NUP42: variants seen among roughly 807,000 people sequenced by gnomAD.
The protein encoded by NUP42 is nucleoporin NUP42.
NUP42 carries 47 observed loss-of-function variants against 35.9 expected under a neutral mutation model. That is an observed-to-expected ratio of 1.31 (90% confidence interval 1.04 to 1.67). The LOEUF (loss-of-function observed/expected upper bound fraction) is 1.67. Among genes scored for constraint, NUP42 ranks in the 40% most tolerant of loss-of-function variants. The pLI, the probability that NUP42 is intolerant of heterozygous loss-of-function variation, is 0.00. For missense variants in NUP42, 514 were observed against 492.2 expected, an observed-to-expected ratio of 1.04 and a Z score of -0.42; for synonymous variants, 173 against 173.3, an observed-to-expected ratio of 1.00 and a Z score of 0.01.
At chr7:23,182,467 T>C in intron 1 of NUP42, 1 of 1,292,388 alleles carries the variant, frequency 7.7e-7, no homozygotes, top group East Asian at 3.0e-5. Flanking sequence ...AAATCGGAAG[T>C]ACCTATCGAA....
intron 5 of NUP42, 120 bp downstream of exon 5, chr7:23,196,886 C>A: frequency 4.4e-6 from 3 of 684,232 alleles, no homozygotes; most frequent in Non-Finnish European, 7.6e-6. Flanking sequence ...ATGATACACA[C>A]ATTCCCAAAA....
intron 6 of NUP42, among the ~76,000 whole-genome samples, chr7:23,199,921 G>A (rs1786150807): frequency 6.6e-6 from 1 of 152,150 alleles, no homozygotes; most frequent in Admixed American, 6.5e-5. Flanking sequence ...TAGTCCCTGT[G>A]GTTTCTCCTT....
intron 5 of NUP42, among the ~76,000 whole-genome samples, chr7:23,197,943 A>T (rs544004679): frequency 2.0e-5 from 3 of 151,870 alleles, no homozygotes; most frequent in Non-Finnish European, 4.4e-5. Context: ...GTTGCCAGGG[A>T]CCAGGAGCAA....
chr7:23,187,342 C>T (rs1471486985), intron 3 of NUP42, 196 bp downstream of exon 3: 1 of 445,670 alleles, frequency 2.2e-6, no homozygotes, highest in East Asian at 3.7e-5. Flanking sequence ...TCTTTTAAGA[C>T]ATATAGTTCT....
At chr7:23,188,838 C>T (rs1785692444) in intron 3 of NUP42, among the ~76,000 whole-genome samples, 1 of 152,136 alleles carries the variant, frequency 6.6e-6, no homozygotes, top group Non-Finnish European at 1.5e-5. Context: ...ACTGTTGGTG[C>T]AGCAGCATTG....
In NUP42 at chr7:23,191,269, G is replaced by A. The variant is rs113669817; in HGVS notation, c.445+4123G>A. 2.3e-3 allele frequency among the ~76,000 whole-genome samples: 351 copies of A among 152,312 alleles called. 1 individual carries two copies. Among genetic ancestry groups the A allele is most frequent in the African/African-American group, 8.0e-3 (334 of 41,572 alleles). ...TTTAAGCAAAAGAGGGACGTGATCT[G>A]ATTAGAAAAAGCTAACTCAGCATGC... On this transcript the variant is annotated intron_variant, in intron 3 of 6. Coordinates refer to ENST00000258742, the MANE Select transcript of NUP42 (RefSeq NM_007342.3).
intron 1 of NUP42, among the ~76,000 whole-genome samples, chr7:23,182,804 C>G (rs1263481536): frequency 6.8e-6 from 1 of 146,690 alleles, no homozygotes; most frequent in Non-Finnish European, 1.5e-5. Context: ...ATCCCAGCTA[C>G]TCATGAGGCT....
rs1233480655 is a variant in NUP42 at position 23,200,233 on chromosome 7, T to C, written c.760T>C (p.Phe254Leu). The C allele has an allele frequency of 3.1e-6, 5 of 1,603,698 alleles. No individual in the cohort carries two copies. The highest frequency in any genetic ancestry group is 4.3e-6 in the Non-Finnish European group (5 of 1,173,700). ...CTTTAGTTTTAAAACAAACTCTGGA[T>C]TTGCTGCTGCCTCTTCTGGAAGCCC... is the stretch of plus-strand genomic sequence containing the variant. ...QNFSFKTNSG[F>L]AAASSGSPAG... Residue 254 changes from phenylalanine (F) to leucine (L), a missense_variant, in exon 7 of 7, where the codon TTT becomes CTT. Physicochemically the swap from Phe to Leu is conservative, Grantham distance 22. Transcript: ENST00000258742.
At chr7:23,199,871 C>T (rs1444173454) in intron 6 of NUP42, among the ~76,000 whole-genome samples, 1 of 152,178 alleles carries the variant, frequency 6.6e-6, no homozygotes, top group Non-Finnish European at 1.5e-5. Flanking sequence ...GGTAGCAGCT[C>T]TGGTGAGGTA....
intron 3 of NUP42, chr7:23,187,891 C>G (rs1162068340): frequency 2.1e-6 from 1 of 471,610 alleles, no homozygotes; most frequent in African/African-American, 2.0e-5. Flanking sequence ...TAGGCGTGAG[C>G]CACCACACCT....
intron 4 of NUP42, chr7:23,196,310 A>T (rs773900961): frequency 1.4e-4 from 29 of 203,222 alleles, no homozygotes; most frequent in Non-Finnish European, 2.6e-4. Context: ...AAAAATTAAA[A>T]ATCTTGACTA....
intron 3 of NUP42, among the ~76,000 whole-genome samples, chr7:23,192,514 T>C (rs1785829654): frequency 2.3e-5 from 3 of 132,576 alleles, no homozygotes; most frequent in East Asian, 2.1e-4. Flanking sequence ...GCCACTGCAC[T>C]CCAGCCTGGG....
intron 1 of NUP42, among the ~76,000 whole-genome samples, chr7:23,184,310 A>G (rs1053200101): frequency 6.6e-6 from 1 of 152,202 alleles, no homozygotes; most frequent in African/African-American, 2.4e-5. Context: ...AATCTTTCAT[A>G]TTCGAGAAAC....
At chr7:23,200,074 A>G in intron 6 of NUP42, 94 bp from the exon 7 acceptor site, 2 of 924,610 alleles carry the variant, frequency 2.2e-6, no homozygotes, top group East Asian at 2.7e-5. Context: ...CATGACATAA[A>G]TAAGAAAAAA....
chr7:23,196,382 T>C (rs760820529), intron 4 of NUP42: 3 of 300,176 alleles, frequency 1.0e-5, no homozygotes, highest in African/African-American at 2.2e-5. Context: ...TCTACAGTCA[T>C]GATCATGCAT....
At chr7:23,188,812 CT>C (rs1167869190) in intron 3 of NUP42, among the ~76,000 whole-genome samples, 15 of 152,118 alleles carry the variant, frequency 9.9e-5, no homozygotes, top group Non-Finnish European at 2.9e-5. Flanking sequence ...CCATTTTTCA[CT>C]GTGTTGACAT....
intron 2 of NUP42, among the ~76,000 whole-genome samples, chr7:23,186,657 A>G (rs748390737): frequency 6.6e-6 from 1 of 152,230 alleles, no homozygotes; most frequent in African/African-American, 2.4e-5. Flanking sequence ...AACAAAGATT[A>G]AAGTTAGTAT....
chr7:23,200,191 A>C lies in NUP42; in HGVS notation c.718A>C (p.Ser240Arg). 6.3e-7 allele frequency: 1 copy of C among 1,594,006 alleles called. No homozygotes were observed. The highest frequency in any genetic ancestry group is 8.6e-7 in the Non-Finnish European group (1 of 1,168,824). The stretch of plus-strand genomic sequence containing the variant: ...AGGCTTTCCAGTCAATAACAGCAGC[A>C]GTGATAATGCTCAGAACTTTAGTTT... ...SPGFPVNNSS[S>R]DNAQNFSFKT... The change falls in exon 7 of 7, where the codon AGT becomes CGT. Residue 240 changes from serine (S) to arginine (R), a missense_variant. Transcript: ENST00000258742.
chr7:23,197,422 A>G lies in NUP42; in HGVS notation c.609+656A>G, dbSNP rs1400801777. 4 of 256,622 alleles carry G rather than the reference A, an allele frequency of 1.6e-5. No homozygotes were observed. In the Admixed American group the frequency reaches 1.8e-4, roughly 11 times the overall value. 15.9% of individuals were successfully genotyped at this position (256,622 alleles called of 1,614,324 possible). On this transcript the variant is annotated intron_variant, in intron 5 of 6. Coordinates refer to ENST00000258742, the MANE Select transcript of NUP42 (RefSeq NM_007342.3). ...ACTTAGTGAATGGTTGACAGTCCCAACACCCCACCCCTTTCTTAAATATGT... is the reference window on the plus strand; with the variant it reads ...ACTTAGTGAATGGTTGACAGTCCCAGCACCCCACCCCTTTCTTAAATATGT...
Sources: gnomAD v4.1 joint callset for allele counts (sites outside exome capture counted in the v4.1 genomes callset) on GRCh38, gnomAD v4.1.1 for gene constraint, MANE v1.5 for transcripts, NCBI Gene and HGNC (gene_info 2026-07-23, HGNC 2026-07-21) for gene names.